Variants in DNAH3 observed in about 807,000 individuals in gnomAD.
The protein encoded by DNAH3 is dynein axonemal heavy chain 3.
A neutral mutation model predicts 432.5 loss-of-function variants in DNAH3; 332 were observed. The ratio of observed to expected loss-of-function variants is 0.77; its 90% CI spans 0.70 to 0.84. The LOEUF is 0.84. DNAH3 is among the 40% of genes least tolerant of loss of function. DNAH3 has a pLI of 0.00. For missense variants in DNAH3, 4,861 were observed against 5,114.0 expected, an observed-to-expected ratio of 0.95 and a Z score of 1.51; for synonymous variants, 1,956 against 1,900.2, an observed-to-expected ratio of 1.03 and a Z score of -0.76.
exon 14 of DNAH3, chr16:21,111,740 G>A (rs944524843): frequency 1.9e-6 from 3 of 1,613,872 alleles, no homozygotes; most frequent in Non-Finnish European, 2.5e-6. Context: ...GCAGAACATG[G>A]CTAAAGGCAC....
At chr16:21,136,113 A>G (rs16970954) in intron 6 of DNAH3, among the ~76,000 whole-genome samples, 5,783 of 152,108 alleles carry the variant, frequency 0.038, 176 homozygotes, top group East Asian at 0.18. Context: ...CAAAGTGAGA[A>G]GAAAGAAGAT....
chr16:21,141,872 G>A (rs1222912929), intron 3 of DNAH3, among the ~76,000 whole-genome samples: 2 of 151,900 alleles, frequency 1.3e-5, no homozygotes, highest in East Asian at 3.9e-4. Flanking sequence ...CCAACATGGC[G>A]AAACCCCATC....
intron 57 of DNAH3, among the ~76,000 whole-genome samples, chr16:20,946,349 C>T (rs1026481290): frequency 2.0e-5 from 3 of 152,268 alleles, no homozygotes; most frequent in East Asian, 1.9e-4. Flanking sequence ...GCCTCCACTT[C>T]GAGTTTTCCC....
At chr16:21,000,576 G>A in intron 42 of DNAH3, 58 bp from the exon 43 acceptor site, 1 of 1,483,936 alleles carries the variant, frequency 6.7e-7, no homozygotes, top group Non-Finnish European at 9.1e-7. Context: ...TGGAGGTCTT[G>A]GCATTCAAGA....
In DNAH3 at chr16:21,040,367, T is replaced by C. The variant is rs1486652684; in HGVS notation, c.4639-424A>G. Among the ~76,000 whole-genome samples the C allele has an allele frequency of 2.3e-4, 32 of 138,206 alleles. 2 individuals are homozygous for C. The South Asian group carries it at 6.5e-3, about 28-fold the overall frequency. 90.7% of individuals were successfully genotyped at this position (138,206 alleles called of 152,430 possible). On this transcript the variant is annotated intron_variant, in intron 32 of 61. Coordinates refer to ENST00000261383, the Ensembl canonical transcript of DNAH3. Reference sequence around the variant, plus strand: ...TCCCAAAGCCAGACAGATTTTTTTTTTTTTTTTTTTTTTTTTTTTAAGACA... The same window carrying C: ...TCCCAAAGCCAGACAGATTTTTTTTCTTTTTTTTTTTTTTTTTTTAAGACA...
chr16:21,065,179 G>C (rs906215269), intron 24 of DNAH3, among the ~76,000 whole-genome samples: 1 of 151,408 alleles, frequency 6.6e-6, no homozygotes, highest in Non-Finnish European at 1.5e-5. Context: ...ATTTTTTTTT[G>C]AGAGAGAGTC....
chr16:21,077,022 C>T (rs2090998900), intron 20 of DNAH3, among the ~76,000 whole-genome samples: 1 of 152,132 alleles, frequency 6.6e-6, no homozygotes, highest in South Asian at 2.1e-4. Flanking sequence ...TCATGACAAC[C>T]AAAAATGTCT....
At chr16:21,102,332 C>A (rs534650922) in intron 16 of DNAH3, among the ~76,000 whole-genome samples, 38 of 152,360 alleles carry the variant, frequency 2.5e-4, no homozygotes, top group African/African-American at 8.9e-4. Flanking sequence ...CTCCTCCTAA[C>A]TTCAACAGCA....
At chr16:21,019,674 G>C in exon 41 of DNAH3, 1 of 1,614,074 alleles carries the variant, frequency 6.2e-7, no homozygotes, top group African/African-American at 1.3e-5. Context: ...TTTGGGCCTT[G>C]GGTGGTTATC....
chr16:20,969,225 C>T (rs1423835976), intron 52 of DNAH3, among the ~76,000 whole-genome samples: 2 of 150,530 alleles, frequency 1.3e-5, no homozygotes, highest in South Asian at 2.1e-4. Flanking sequence ...CAAGTGTGTT[C>T]GTGCATGGCT....
chr16:20,978,399 C>A (rs970185852), intron 50 of DNAH3, among the ~76,000 whole-genome samples: 1 of 152,088 alleles, frequency 6.6e-6, no homozygotes, highest in Non-Finnish European at 1.5e-5. Flanking sequence ...CGTGGTGGCA[C>A]GCACCTGTAG....
intron 1 of DNAH3, among the ~76,000 whole-genome samples, chr16:21,153,607 C>T (rs998097734): frequency 9.8e-5 from 15 of 152,288 alleles, no homozygotes; most frequent in South Asian, 4.1e-4. Context: ...TGTTTGGGTT[C>T]ATGCCGCCTT....
chr16:20,946,416 C>T (rs2084046348), intron 57 of DNAH3, among the ~76,000 whole-genome samples: 1 of 152,204 alleles, frequency 6.6e-6, no homozygotes, highest in African/African-American at 2.4e-5. Flanking sequence ...TGCCTCGCGT[C>T]TCCCTAAAAT....
chr16:21,048,549 C>T (rs779916688), intron 31 of DNAH3, among the ~76,000 whole-genome samples: 15 of 152,172 alleles, frequency 9.9e-5, no homozygotes, highest in Admixed American at 2.0e-4. Context: ...GCACGGTGCA[C>T]GCACCCACTG....
At chr16:21,148,394 G>A (rs557569400) in intron 1 of DNAH3, among the ~76,000 whole-genome samples, 1 of 151,854 alleles carries the variant, frequency 6.6e-6, no homozygotes, top group Non-Finnish European at 1.5e-5. Context: ...GTAATTGGCC[G>A]GCTTGACTTC....
rs570279103 is a variant in DNAH3, at chr16:21,020,302, G to A, written c.5777-433C>T. ...CTCTCAAAATGCTAGGATTACAGCC[G>A]TGAGCAATATTTTTATTTTTACTGC... is the stretch of plus-strand genomic sequence containing the variant. On this transcript the variant is annotated intron_variant, in intron 40 of 61. Coordinates refer to ENST00000261383, the Ensembl canonical transcript of DNAH3. 1.8e-3 allele frequency among the ~76,000 whole-genome samples: 236 copies of A among 133,558 alleles called. 2 individuals are homozygous for A. Among genetic ancestry groups the A allele is most frequent in the Middle Eastern group, 8.9e-3 (2 of 224 alleles). The allele number at this position is 133,558 out of a possible 152,430, so 87.6% of individuals were successfully genotyped here. A position where few individuals can be genotyped will look rare whatever the true frequency, so the allele number is the denominator to read the frequency against.
chr16:20,964,742 G>C, exon 53 of DNAH3: 1 of 1,614,120 alleles, frequency 6.2e-7, no homozygotes, highest in Non-Finnish European at 8.5e-7. Context: ...ATTTTTATGG[G>C]ATCCCCTAAC....
At chr16:20,971,744 G>A (rs1477738277) in intron 51 of DNAH3, among the ~76,000 whole-genome samples, 1 of 152,226 alleles carries the variant, frequency 6.6e-6, no homozygotes, top group African/African-American at 2.4e-5. Flanking sequence ...ACATTACAGA[G>A]CAGAATCTTG....
At chr16:21,104,045 C>G (rs1047217174) in intron 16 of DNAH3, 1 of 176,482 alleles carries the variant, frequency 5.7e-6, no homozygotes, top group Non-Finnish European at 1.2e-5. Flanking sequence ...CACATTAGCT[C>G]TGAATAAGAC....
Sources: allele counts gnomAD v4.1 joint callset (sites outside exome capture counted in the v4.1 genomes callset), GRCh38; gene constraint gnomAD v4.1.1; transcripts MANE v1.5; gene names NCBI Gene and HGNC (gene_info 2026-07-23, HGNC 2026-07-21).